The following NTNG1 variants were observed in gnomAD, a reference collection of about 807,000 sequenced individuals.
NTNG1 encodes the protein netrin-G1.
NTNG1 carries 16 observed loss-of-function variants against 54.0 expected under a neutral mutation model. That is an observed-to-expected ratio of 0.30 (90% CI 0.20 to 0.45). NTNG1 has a LOEUF of 0.45. NTNG1 is among the 20% of genes least tolerant of loss of function. The probability of loss-of-function intolerance (pLI) is 1.00; values close to 1 mark genes in which losing one functional copy is unlikely to be tolerated. For synonymous variants in NTNG1, 255 were observed against 263.1 expected (o/e 0.97, Z 0.30); for missense variants, 530 against 678.7 (o/e 0.78, Z 2.43).
chr1:107,216,695 T>C (rs1403307144), intron 2 of NTNG1, among the ~76,000 whole-genome samples: 1 of 152,030 alleles, frequency 6.6e-6, no homozygotes, highest in African/African-American at 2.4e-5. Flanking sequence ...TCTTTTTTTT[T>C]TTTTTGGGAG....
chr1:107,419,345 A>G (rs964696420), intron 5 of NTNG1, among the ~76,000 whole-genome samples: 1 of 151,812 alleles, frequency 6.6e-6, no homozygotes, highest in African/African-American at 2.4e-5. Flanking sequence ...TCCAGCATTT[A>G]GAGCAATCTG....
chr1:107,363,285 G>T (rs1670400456), intron 3 of NTNG1, among the ~76,000 whole-genome samples: 1 of 152,122 alleles, frequency 6.6e-6, no homozygotes, highest in Non-Finnish European at 1.5e-5. Context: ...ACAGTGTCTT[G>T]CTGTATTCCT....
intron 2 of NTNG1, among the ~76,000 whole-genome samples, chr1:107,203,882 AC>A (rs1658960281): frequency 6.6e-6 from 1 of 151,928 alleles, no homozygotes; most frequent in African/African-American, 2.4e-5. Flanking sequence ...ATTTATCAAT[AC>A]TACATTTCAG....
At chr1:107,420,519 TATC>T (rs755361738) in intron 5 of NTNG1, among the ~76,000 whole-genome samples, 2 of 152,016 alleles carry the variant, frequency 1.3e-5, no homozygotes, top group East Asian at 3.9e-4. Flanking sequence ...AACAAGCTGA[TATC>T]ATCAAAAAGG....
intron 4 of NTNG1, among the ~76,000 whole-genome samples, chr1:107,397,948 G>A (rs146694304): frequency 5.2e-4 from 79 of 151,810 alleles, no homozygotes; most frequent in Admixed American, 3.5e-3. Context: ...CTTCATATTG[G>A]CTTTTTCTTA....
At chr1:107,471,545 C>T (rs1285714240) in intron 7 of NTNG1, among the ~76,000 whole-genome samples, 2 of 152,194 alleles carry the variant, frequency 1.3e-5, no homozygotes, top group African/African-American at 2.4e-5. Context: ...TCTGGAAACA[C>T]AGCTTATTTA....
chr1:107,389,248 T>C (rs1461008359), intron 3 of NTNG1, among the ~76,000 whole-genome samples: 1 of 152,214 alleles, frequency 6.6e-6, no homozygotes, highest in Non-Finnish European at 1.5e-5. Context: ...AAACTCTGAC[T>C]GCACAACAGG....
intron 3 of NTNG1, among the ~76,000 whole-genome samples, chr1:107,353,532 AC>A (rs1385786865): frequency 6.6e-6 from 1 of 151,992 alleles, no homozygotes; most frequent in Non-Finnish European, 1.5e-5. Context: ...TTTTGTCACA[AC>A]AGCTTAGCAA....
At chr1:107,451,477 G>A (rs577891529) in intron 7 of NTNG1, among the ~76,000 whole-genome samples, 1 of 152,200 alleles carries the variant, frequency 6.6e-6, no homozygotes, top group African/African-American at 2.4e-5. Flanking sequence ...AGAGTAAAGA[G>A]ACTGTAAGTG....
In NTNG1 at chr1:107,398,299, A is replaced by G. The variant is rs531076708; in HGVS notation, c.1060+2973A>G. ...AACTTAAAGTATAATAAAAAAAAAT[A>G]GGATGGTCAGTTTCTGTTCACCTTC... On this transcript the variant is annotated intron_variant, in intron 4 of 7. Coordinates refer to ENST00000370068, the MANE Select transcript of NTNG1 (RefSeq NM_001113226.3). Among the ~76,000 whole-genome samples the G allele has an allele frequency of 6.6e-5, 10 of 152,264 alleles. No individual in the cohort carries two copies. The South Asian group carries it at 2.1e-3, about 32-fold the overall frequency.
intron 3 of NTNG1, among the ~76,000 whole-genome samples, chr1:107,380,510 G>C (rs1258469703): frequency 6.6e-6 from 1 of 152,144 alleles, no homozygotes. Flanking sequence ...TCATAAAGCT[G>C]CTGTATAAAT....
At chr1:107,332,448 A>G (rs1364331761) in intron 3 of NTNG1, among the ~76,000 whole-genome samples, 1 of 152,114 alleles carries the variant, frequency 6.6e-6, no homozygotes, top group Non-Finnish European at 1.5e-5. Context: ...GGGAAGCTAC[A>G]TTCTAGCTAC....
intron 1 of NTNG1, among the ~76,000 whole-genome samples, chr1:107,141,699 C>T (rs1474663620): frequency 6.6e-6 from 1 of 151,996 alleles, no homozygotes; most frequent in East Asian, 1.9e-4. Flanking sequence ...CCCGGGGGTG[C>T]GCCCCGGGCC....
chr1:107,428,386 A>G (rs1675033168), intron 5 of NTNG1, among the ~76,000 whole-genome samples: 1 of 152,008 alleles, frequency 6.6e-6, no homozygotes, highest in Non-Finnish European at 1.5e-5. Flanking sequence ...TTATCTGAGC[A>G]TATGTTTTCT....
At chr1:107,316,608 C>T (rs1204877995) in intron 2 of NTNG1, among the ~76,000 whole-genome samples, 3 of 151,888 alleles carry the variant, frequency 2.0e-5, no homozygotes, top group African/African-American at 7.2e-5. Context: ...CATAAAATAT[C>T]TGTTTTTTAT....
chr1:107,386,291 C>T (rs762167972), intron 3 of NTNG1, among the ~76,000 whole-genome samples: 5 of 151,674 alleles, frequency 3.3e-5, no homozygotes, highest in Non-Finnish European at 5.9e-5. Flanking sequence ...TGTCTCAGCC[C>T]TCTGAGTAGC....
chr1:107,250,504 A>AAC (rs1662518280), intron 2 of NTNG1, among the ~76,000 whole-genome samples: 2 of 152,158 alleles, frequency 1.3e-5, no homozygotes, highest in African/African-American at 4.8e-5. Context: ...GCACATGTAT[A>AAC]CCTATGTAAC....
At chr1:107,153,204 C>T (rs1305973389) in intron 2 of NTNG1, among the ~76,000 whole-genome samples, 1 of 152,168 alleles carries the variant, frequency 6.6e-6, no homozygotes, top group African/African-American at 2.4e-5. Flanking sequence ...TGACTGGTAA[C>T]TCATAATCTC....
intron 2 of NTNG1, among the ~76,000 whole-genome samples, chr1:107,254,852 G>C (rs912264987): frequency 6.6e-6 from 1 of 152,068 alleles, no homozygotes; most frequent in East Asian, 1.9e-4. Flanking sequence ...TGCTTATGGC[G>C]GTATTAGACA....
Sources: gnomAD v4.1 joint callset for allele counts (sites outside exome capture counted in the v4.1 genomes callset) on GRCh38, gnomAD v4.1.1 for gene constraint, MANE v1.5 for transcripts, NCBI Gene and HGNC (gene_info 2026-07-23, HGNC 2026-07-21) for gene names.